PRKD1: variants seen among roughly 807,000 people sequenced by gnomAD.
PRKD1 encodes the protein serine/threonine-protein kinase D1.
In PRKD1, 63 loss-of-function variants were observed where a neutral mutation model predicts 95.9. The ratio of observed to expected loss-of-function variants is 0.66; its 90% confidence interval spans 0.54 to 0.81. The LOEUF (loss-of-function observed/expected upper bound fraction) is 0.81. PRKD1 is among the 30% of genes least tolerant of loss of function. PRKD1 has a pLI of 0.00. For missense variants in PRKD1, 1,048 were observed against 1,165.3 expected (o/e 0.90, Z 1.47); for synonymous variants, 425 against 423.1 (o/e 1.00, Z -0.05).
intron 1 of PRKD1, among the ~76,000 whole-genome samples, chr14:29,865,173 G>C (rs1892846873): frequency 6.6e-6 from 1 of 152,126 alleles, no homozygotes; most frequent in Admixed American, 6.6e-5. Context: ...AGAATCACAG[G>C]ATCAAATGCA....
At chr14:29,902,739 T>G in intron 1 of PRKD1, among the ~76,000 whole-genome samples, 1 of 152,210 alleles carries the variant, frequency 6.6e-6, no homozygotes, top group East Asian at 1.9e-4. Context: ...TCCAATCATT[T>G]TTATATTAGT....
intron 1 of PRKD1, among the ~76,000 whole-genome samples, chr14:29,810,711 A>C (rs985743733): frequency 1.3e-5 from 2 of 152,268 alleles, no homozygotes; most frequent in African/African-American, 2.4e-5. Context: ...AAATGCTTCC[A>C]GGTGGCAGGC....
chr14:29,843,957 T>TA (rs1891975585), intron 1 of PRKD1, among the ~76,000 whole-genome samples: 2 of 152,264 alleles, frequency 1.3e-5, no homozygotes, highest in South Asian at 4.1e-4. Context: ...AGTATTGTAG[T>TA]AAAAAATGTA....
chr14:29,912,683 A>G (rs74040630), intron 1 of PRKD1, among the ~76,000 whole-genome samples: 8,066 of 152,246 alleles, frequency 0.053, 243 homozygotes, highest in South Asian at 0.093. Flanking sequence ...TAAAAAACAA[A>G]TTTTCTAAAT....
At position 29,781,511 on chromosome 14, in the gene PRKD1, C is replaced by G. The variant is rs899086631; in HGVS notation, c.265-55837G>C. Among the ~76,000 whole-genome samples the G allele has an allele frequency of 3.3e-5, 5 of 152,294 alleles. No homozygotes were observed. The South Asian group carries it at 6.2e-4, about 19-fold the overall frequency. On this transcript the variant is annotated intron_variant, in intron 1 of 17. Transcript: ENST00000331968. ...ATGAAACTACTAAAGTTGCAGCCAC[C>G]AAATGCAAGAATAGTCAGGGAGGCA...
At chr14:29,794,681 T>G (rs558051746) in intron 1 of PRKD1, among the ~76,000 whole-genome samples, 8 of 151,918 alleles carry the variant, frequency 5.3e-5, no homozygotes, top group Non-Finnish European at 7.4e-5. Context: ...CATTCTTCCC[T>G]TCCCTCCCCT....
At chr14:29,741,684 A>G (rs1886985400) in intron 1 of PRKD1, among the ~76,000 whole-genome samples, 1 of 152,034 alleles carries the variant, frequency 6.6e-6, no homozygotes, top group South Asian at 2.1e-4. Flanking sequence ...TAACTTCAAT[A>G]CAGCTCCACA....
chr14:29,746,067 A>G (rs1183181909), intron 1 of PRKD1, among the ~76,000 whole-genome samples: 1 of 152,126 alleles, frequency 6.6e-6, no homozygotes, highest in African/African-American at 2.4e-5. Flanking sequence ...GACACACTTG[A>G]GCACTGAAAT....
intron 1 of PRKD1, among the ~76,000 whole-genome samples, chr14:29,770,583 G>A (rs1020371046): frequency 2.6e-5 from 4 of 152,144 alleles, no homozygotes; most frequent in African/African-American, 9.7e-5. Context: ...TTATAAAGGG[G>A]CAAAAAATCT....
intron 1 of PRKD1, among the ~76,000 whole-genome samples, chr14:29,858,420 G>C (rs1892586634): frequency 6.6e-6 from 1 of 152,280 alleles, no homozygotes; most frequent in East Asian, 1.9e-4. Flanking sequence ...GTCTCTATAA[G>C]ACCTTTGAGG....
At position 29,617,892 on chromosome 14, in the gene PRKD1, C is replaced by T. The variant is rs568608617; in HGVS notation, c.1905+6260G>A. ...GGCCAGTCTGGGTAACATAGAGAGG[C>T]TCCATCTCTACCAAAAATAAAAAAA... On this transcript the variant is annotated intron_variant, in intron 13 of 17. Transcript: ENST00000331968. 8.8e-4 allele frequency among the ~76,000 whole-genome samples: 127 copies of T among 145,066 alleles called. 1 individual carries two copies. The highest frequency in any genetic ancestry group is 7.0e-3 in the Middle Eastern group (2 of 284).
intron 4 of PRKD1, among the ~76,000 whole-genome samples, chr14:29,643,378 A>T (rs542423472): frequency 1.3e-5 from 2 of 152,276 alleles, no homozygotes; most frequent in South Asian, 4.1e-4. Flanking sequence ...AATTATGAAG[A>T]TCAATTTTTT....
At chr14:29,650,135 C>G (rs950131789) in intron 4 of PRKD1, among the ~76,000 whole-genome samples, 1 of 152,168 alleles carries the variant, frequency 6.6e-6, no homozygotes, top group African/African-American at 2.4e-5. Flanking sequence ...ACTTAGCGAG[C>G]CACTCTCGTG....
intron 13 of PRKD1, among the ~76,000 whole-genome samples, chr14:29,609,319 A>G (rs556557640): frequency 1.4e-4 from 22 of 152,256 alleles, no homozygotes; most frequent in African/African-American, 4.3e-4. Context: ...AAGGGAGTCA[A>G]CCTTGAGGTG....
At chr14:29,599,866 G>C in intron 13 of PRKD1, 49 bp from the exon 14 acceptor site, 1 of 1,536,412 alleles carries the variant, frequency 6.5e-7, no homozygotes. Flanking sequence ...TTTTGATACT[G>C]TTTGGCAAGC....
At chr14:29,717,574 T>C (rs1050776526) in intron 2 of PRKD1, among the ~76,000 whole-genome samples, 2 of 152,184 alleles carry the variant, frequency 1.3e-5, no homozygotes, top group African/African-American at 4.8e-5. Context: ...TGAGTTAATA[T>C]ATGTGAAGCA....
At chr14:29,764,850 T>C (rs1395551544) in intron 1 of PRKD1, among the ~76,000 whole-genome samples, 1 of 152,194 alleles carries the variant, frequency 6.6e-6, no homozygotes, top group Non-Finnish European at 1.5e-5. Context: ...GATTTGAACT[T>C]TTACCTGGAT....
chr14:29,920,169 G>A (rs1895051864), intron 1 of PRKD1, among the ~76,000 whole-genome samples: 1 of 151,936 alleles, frequency 6.6e-6, no homozygotes, highest in Admixed American at 6.6e-5. Flanking sequence ...AACAAGGAAG[G>A]AAGGAAGCAC....
At chr14:29,826,834 TATATAC>T (rs1330415032) in intron 1 of PRKD1, among the ~76,000 whole-genome samples, 1 of 27,112 alleles carries the variant, frequency 3.7e-5, no homozygotes, top group African/African-American at 1.4e-4. Context: ...TATATATATA[TATATAC>T]ACACATATAT....
Sources: allele counts gnomAD v4.1 joint callset (sites outside exome capture counted in the v4.1 genomes callset), GRCh38; gene constraint gnomAD v4.1.1; transcripts MANE v1.5; gene names NCBI Gene and HGNC (gene_info 2026-07-23, HGNC 2026-07-21).